The following SLC9A7 variants were observed in gnomAD, a reference collection of about 807,000 sequenced individuals.
SLC9A7 encodes sodium/hydrogen exchanger 7.
In SLC9A7, 19 loss-of-function variants were observed where a neutral mutation model predicts 52.6. That is an observed-to-expected ratio of 0.36 (90% CI 0.25 to 0.53). The LOEUF (loss-of-function observed/expected upper bound fraction) is 0.53, where lower values mean the gene tolerates loss of function less well. SLC9A7 is among the 20% of genes least tolerant of loss of function. The pLI is 0.91. For synonymous variants in SLC9A7, 226 were observed against 252.1 expected (o/e 0.90, Z 0.98); for missense variants, 455 against 597.9 (o/e 0.76, Z 2.49).
intron 13 of SLC9A7, 41 bp from the exon 14 acceptor site, chrX:46,631,690 C>T (rs774796413): frequency 6.1e-5 from 67 of 1,090,851 alleles, no homozygotes; most frequent in African/African-American, 1.6e-4. Flanking sequence ...AAAAACAGAG[C>T]GTATTAGCTT....
intron 1 of SLC9A7, among the ~76,000 whole-genome samples, chrX:46,752,604 T>C (rs782719179): frequency 9.0e-6 from 1 of 111,403 alleles, no homozygotes; most frequent in East Asian, 2.8e-4. Context: ...AACTGGAAGA[T>C]GTGTCTAAGT....
rs770186572 is a variant in SLC9A7, at chrX:46,624,727, G to A, written c.1741-3668C>T. ...ACATATTTGTTTGGGGGAAAAAAAC[G>A]CCTAGCCATTAACATCATTTGGCTA... On this transcript the variant is annotated intron_variant, in intron 14 of 16. Coordinates refer to ENST00000616978, the MANE Select transcript of SLC9A7 (RefSeq NM_001257291.2). Among the ~76,000 whole-genome samples, 14 of 112,174 alleles carry A rather than the reference G, an allele frequency of 1.2e-4. No homozygotes were observed. In the South Asian group the frequency reaches 1.5e-3, roughly 12 times the overall value.
chrX:46,630,415 T>C (rs1434735346), intron 14 of SLC9A7, among the ~76,000 whole-genome samples: 1 of 112,450 alleles, frequency 8.9e-6, no homozygotes. Flanking sequence ...GCCTGTTGCA[T>C]GCTGCATCTC....
intron 14 of SLC9A7, among the ~76,000 whole-genome samples, chrX:46,629,216 C>T (rs1345321991): frequency 1.8e-5 from 2 of 111,363 alleles, no homozygotes; most frequent in African/African-American, 6.5e-5. Context: ...GCTGCCAGCC[C>T]GTTCACAACA....
At chrX:46,614,024 C>T (rs151022741) in intron 15 of SLC9A7, among the ~76,000 whole-genome samples, 4 of 112,018 alleles carry the variant, frequency 3.6e-5, no homozygotes, top group African/African-American at 6.5e-5. Flanking sequence ...CTCTCCTAGA[C>T]GCTAACACAA....
At chrX:46,719,840 G>C (rs1264119144) in intron 1 of SLC9A7, among the ~76,000 whole-genome samples, 1 of 111,673 alleles carries the variant, frequency 9.0e-6, no homozygotes, top group Non-Finnish European at 1.9e-5. Flanking sequence ...GAAAACTAAA[G>C]ACATAAAGTT....
At chrX:46,724,562 T>G (rs1172574810) in intron 1 of SLC9A7, among the ~76,000 whole-genome samples, 1 of 112,139 alleles carries the variant, frequency 8.9e-6, no homozygotes, top group Admixed American at 9.4e-5. Flanking sequence ...CAAGAAATAT[T>G]CATTATTGAT....
chrX:46,676,197 G>T (rs1944116286), intron 3 of SLC9A7, among the ~76,000 whole-genome samples: 1 of 111,317 alleles, frequency 9.0e-6, no homozygotes, highest in African/African-American at 3.3e-5. Context: ...CTTGTGACAG[G>T]TGTCTGAGGT....
chrX:46,716,562 T>TCCCACTCA (rs764221738), intron 1 of SLC9A7, among the ~76,000 whole-genome samples: 55 of 110,797 alleles, frequency 5.0e-4, no homozygotes, highest in Non-Finnish European at 3.4e-4. Flanking sequence ...GTTCTCAAAT[T>TCCCACTCA]CCCACTCACT....
intron 1 of SLC9A7, among the ~76,000 whole-genome samples, chrX:46,729,051 T>C (rs1944986209): frequency 8.9e-6 from 1 of 112,356 alleles, no homozygotes; most frequent in Admixed American, 9.4e-5. Context: ...TTGGTGGTGG[T>C]TACACAAGTG....
intron 1 of SLC9A7, among the ~76,000 whole-genome samples, chrX:46,736,368 A>T (rs1428912689): frequency 9.0e-6 from 1 of 111,642 alleles, no homozygotes; most frequent in Non-Finnish European, 1.9e-5. Flanking sequence ...GAGCTTCAAA[A>T]ATATTAATCA....
At chrX:46,714,873 T>C (rs1378202497) in intron 1 of SLC9A7, among the ~76,000 whole-genome samples, 2 of 111,465 alleles carry the variant, frequency 1.8e-5, no homozygotes, top group African/African-American at 3.3e-5. Flanking sequence ...AAAGAACCAA[T>C]AGAAATCCTG....
chrX:46,716,223 C>T (rs957828370), intron 1 of SLC9A7, among the ~76,000 whole-genome samples: 1 of 111,453 alleles, frequency 9.0e-6, no homozygotes, highest in Non-Finnish European at 1.9e-5. Flanking sequence ...CATGATATAT[C>T]ATTAAGGGGA....
At chrX:46,753,539 G>A (rs1922389901) in intron 1 of SLC9A7, among the ~76,000 whole-genome samples, 1 of 111,957 alleles carries the variant, frequency 8.9e-6, no homozygotes, top group Non-Finnish European at 1.9e-5. Context: ...ATTCCTTAAT[G>A]GGAATGTGCT....
At chrX:46,672,163 G>C (rs1286167951) in intron 4 of SLC9A7, among the ~76,000 whole-genome samples, 1 of 111,659 alleles carries the variant, frequency 9.0e-6, no homozygotes, top group Non-Finnish European at 1.9e-5. Flanking sequence ...GTTGGCTCTT[G>C]TGTCCCTTTG....
intron 1 of SLC9A7, among the ~76,000 whole-genome samples, chrX:46,693,214 C>G (rs1944404972): frequency 1.8e-5 from 2 of 111,783 alleles, no homozygotes; most frequent in Admixed American, 1.9e-4. Flanking sequence ...TATCAAAATT[C>G]CAGCAAATTT....
At chrX:46,620,672 G>A (rs754767862) in intron 15 of SLC9A7, among the ~76,000 whole-genome samples, 3 of 111,387 alleles carry the variant, frequency 2.7e-5, no homozygotes, top group Non-Finnish European at 3.8e-5. Context: ...GATTCATTGC[G>A]TAATTTTAAT....
chrX:46,691,138 A>G (rs918692575), intron 1 of SLC9A7, among the ~76,000 whole-genome samples: 2 of 109,349 alleles, frequency 1.8e-5, no homozygotes, highest in South Asian at 4.1e-4. Flanking sequence ...CAGAGACTAA[A>G]TAGTTATTTT....
intron 1 of SLC9A7, among the ~76,000 whole-genome samples, chrX:46,750,953 A>C (rs1460892432): frequency 8.9e-6 from 1 of 112,047 alleles, no homozygotes; most frequent in Admixed American, 9.5e-5. Flanking sequence ...ATGTATAACA[A>C]AGTACTCATC....
Sources: gnomAD v4.1 joint callset for allele counts (sites outside exome capture counted in the v4.1 genomes callset) on GRCh38, gnomAD v4.1.1 for gene constraint, MANE v1.5 for transcripts, NCBI Gene and HGNC (gene_info 2026-07-23, HGNC 2026-07-21) for gene names.